The following SPTBN5 variants were observed in gnomAD, a reference collection of about 807,000 sequenced individuals.
The protein encoded by SPTBN5 is spectrin beta chain, non-erythrocytic 5.
Under a neutral mutation model 477.6 loss-of-function variants are expected in SPTBN5, and 513 were observed. The observed-to-expected ratio is 1.07, with a 90% CI of 1.00 to 1.16. The LOEUF (loss-of-function observed/expected upper bound fraction) is 1.16, where lower values mean the gene tolerates loss of function less well. Among genes scored for constraint, SPTBN5 ranks in the 50% most tolerant of loss-of-function variants. The pLI is 0.00. For synonymous variants in SPTBN5, 2,169 were observed against 2,011.7 expected, an observed-to-expected ratio of 1.08 and a Z score of -2.09; for missense variants, 5,062 against 4,731.8, an observed-to-expected ratio of 1.07 and a Z score of -2.05.
chr15:41,857,174 G>T, intron 51 of SPTBN5, 64 bp downstream of exon 51: 1 of 1,534,504 alleles, frequency 6.5e-7, no homozygotes, highest in East Asian at 2.3e-5. Flanking sequence ...TCAGTTAAGA[G>T]GGCAGGGGTG....
intron 47 of SPTBN5, 96 bp from the exon 48 acceptor site, chr15:41,859,076 A>G: frequency 1.1e-6 from 1 of 924,536 alleles, no homozygotes; most frequent in Non-Finnish European, 1.5e-6. Flanking sequence ...ATATACTCTG[A>G]GTCTGGAGTT....
chr15:41,866,173 C>A lies in SPTBN5; in HGVS notation c.6687G>T (p.Arg2229=). 6.4e-7 allele frequency: 1 copy of A among 1,571,176 alleles called. No individual in the cohort carries two copies. The highest frequency in any genetic ancestry group is 8.6e-7 in the Non-Finnish European group (1 of 1,159,776). Residue 2229 remains arginine (R), a synonymous_variant, in exon 38 of 68, where the codon CGG becomes CGT. Coordinates refer to ENST00000320955, the MANE Select transcript of SPTBN5 (RefSeq NM_016642.4). ...SHPRAGEVSQ[R]LQGLRKHWED... is the part of the protein sequence containing the mutation. Reference sequence around the variant, plus strand: ...CCCAGTGCTTCCGCAGGCCCTGCAGCCGCTGGGAGACCTCTCCGGCTCGAG... The same window carrying A: ...CCCAGTGCTTCCGCAGGCCCTGCAGACGCTGGGAGACCTCTCCGGCTCGAG...
At chr15:41,891,462 G>T (rs1441576881) in intron 3 of SPTBN5, among the ~76,000 whole-genome samples, 3 of 152,206 alleles carry the variant, frequency 2.0e-5, no homozygotes, top group African/African-American at 7.2e-5. Context: ...TGAGTGGGGT[G>T]TTTGTCTGCT....
chr15:41,848,190 T>C lies in SPTBN5; in HGVS notation c.*426A>G. ...GTTATTACTGCTGAGAAGGGCCATGTCATTCTAGGCTCTTGGCTGTACATG... is the reference window on the plus strand; with the variant it reads ...GTTATTACTGCTGAGAAGGGCCATGCCATTCTAGGCTCTTGGCTGTACATG... On this transcript the variant is annotated 3_prime_UTR_variant, in exon 68 of 68. Transcript: ENST00000320955. 7.8e-6 allele frequency: 4 copies of C among 513,656 alleles called. 1 individual carries two copies. The highest frequency in any genetic ancestry group is 6.5e-5 in the South Asian group (3 of 46,048). The allele number at this position is 513,656 out of a possible 1,614,324, so 31.8% of individuals were successfully genotyped here.
At chr15:41,886,950 G>C (rs949008709) in intron 6 of SPTBN5, among the ~76,000 whole-genome samples, 3 of 152,246 alleles carry the variant, frequency 2.0e-5, no homozygotes, top group South Asian at 2.1e-4. Flanking sequence ...CGGGAAGAAG[G>C]GGGAGGCCCA....
At chr15:41,874,150 C>G in intron 24 of SPTBN5, 105 bp from the exon 25 acceptor site, 1 of 1,503,738 alleles carries the variant, frequency 6.7e-7, no homozygotes, top group Non-Finnish European at 9.0e-7. Context: ...CCCCCAGGGT[C>G]AAAATAGCTG....
At chr15:41,854,246 T>C in intron 56 of SPTBN5, 41 bp from the exon 57 acceptor site, 2 of 1,557,264 alleles carry the variant, frequency 1.3e-6, no homozygotes, top group Non-Finnish European at 1.7e-6. Context: ...TGTTCTCTGC[T>C]CCCAGGATTC....
intron 66 of SPTBN5, 42 bp downstream of exon 66, chr15:41,850,812 G>C (rs1242357778): frequency 6.6e-7 from 1 of 1,525,720 alleles, no homozygotes; most frequent in Non-Finnish European, 8.9e-7. Flanking sequence ...TTGGGGCCCA[G>C]GGAGTCGGCC....
intron 44 of SPTBN5, 40 bp downstream of exon 44, chr15:41,862,090 C>G: frequency 7.1e-7 from 1 of 1,404,244 alleles, no homozygotes; most frequent in Non-Finnish European, 9.6e-7. Flanking sequence ...CAGGGCGGAG[C>G]TGAGAGCCTG....
At chr15:41,892,742 T>C in intron 3 of SPTBN5, 152 bp downstream of exon 3, 2 of 856,378 alleles carry the variant, frequency 2.3e-6, no homozygotes, top group Non-Finnish European at 1.7e-6. Context: ...GCGTGGCTTC[T>C]GCTCCTCTGT....
chr15:41,851,286 C>G lies in SPTBN5; in HGVS notation c.10740G>C (p.Ala3580=). Reference sequence around the variant, plus strand: ...TCTCCCCTACCCCGCCTGGTACCTCCGCTGCCATCCTCTCATCCAGGAACA... The same window carrying G: ...TCTCCCCTACCCCGCCTGGTACCTCGGCTGCCATCCTCTCATCCAGGAACA... ...LSLFLDERMA[A]EKVASIALLD... Residue 3580 remains alanine (A), a synonymous_variant, in exon 64 of 68, where the codon GCG becomes GCC. Transcript: ENST00000320955. 1 of 1,551,310 alleles carries G rather than the reference C, an allele frequency of 6.4e-7. No homozygotes were observed. Among genetic ancestry groups the G allele is most frequent in the Middle Eastern group, 1.7e-4 (1 of 5,992 alleles).
chr15:41,863,575 C>T, intron 41 of SPTBN5, 129 bp downstream of exon 41: 1 of 705,500 alleles, frequency 1.4e-6, no homozygotes, highest in South Asian at 1.7e-5. Flanking sequence ...TGCTGGGACC[C>T]ACCTCCAAGT....
At chr15:41,886,406 G>C (rs1295353061) in intron 6 of SPTBN5, 40 bp from the exon 7 acceptor site, 1 of 1,529,740 alleles carries the variant, frequency 6.5e-7, no homozygotes, top group African/African-American at 1.4e-5. Flanking sequence ...TCCTTCTCAG[G>C]GCAGGCCCTG....
rs373565785 is a variant in SPTBN5 at position 41,868,479 on chromosome 15, C to T, written c.5976G>A (p.Leu1992=). The change falls in exon 33 of 68, where the codon CTG becomes CTA. Residue 1992 remains leucine, a synonymous_variant. Transcript: ENST00000320955. ...GCTGCCACAGCTTCTCCCGGGCCTC[C>T]AGCTCCGCCCGGAGCCACTGGTGGG... is the stretch of plus-strand genomic sequence containing the variant. ...LSAHQWLRAE[L]EAREKLWQQA... is the part of the protein sequence containing the mutation. 9.9e-6 allele frequency: 16 copies of T among 1,611,314 alleles called. No homozygotes were observed. Among genetic ancestry groups the T allele is most frequent in the Non-Finnish European group, 1.3e-5 (15 of 1,179,420 alleles).
At chr15:41,864,465 C>A (rs1218062410) in intron 39 of SPTBN5, among the ~76,000 whole-genome samples, 1 of 152,214 alleles carries the variant, frequency 6.6e-6, no homozygotes, top group African/African-American at 2.4e-5. Flanking sequence ...AGGTGCCTGC[C>A]ACCAAGCCTG....
Position 41,862,606 on chromosome 15 carries a change from C to T in SPTBN5, c.7318G>A (p.Gly2440Ser), listed in dbSNP as rs777849226. The change falls in exon 43 of 68, where the codon GGC becomes AGC. Residue 2440 changes from glycine (G) to serine (S), a missense_variant. Gly to Ser is a moderately conservative substitution (Grantham distance 56). Transcript: ENST00000320955. ...LCQRSPEAAHGLRHRQQEVAE... is the reference protein window; with the variant it reads ...LCQRSPEAAHSLRHRQQEVAE... The stretch of plus-strand genomic sequence containing the variant: ...ACCTCCTGCTGCCTGTGCCTGAGGC[C>T]GTGGGCTGCCTCGGGGCTTCTTTGG... 1.3e-5 allele frequency: 20 copies of T among 1,558,882 alleles called. No individual in the cohort carries two copies. In the Admixed American group the frequency reaches 2.3e-4, roughly 18 times the overall value.
At position 41,855,637 on chromosome 15, in the gene SPTBN5, T is replaced by G; in HGVS notation, c.9130A>C (p.Thr3044Pro). Residue 3044 changes from threonine to proline, a missense_variant, in exon 54 of 68, where the codon ACC (threonine) becomes CCC (proline). By Grantham distance (38) the Thr-to-Pro change is conservative. Transcript: ENST00000320955. ...CTGAACGCTTCCAGGTCTCTCTTGG[T>G]GGCCTCCAGCCGCCGCAGAAGGGCC... ...TQALLRRLEA[T>P]KRDLEAFSPR... 6.2e-7 allele frequency: 1 copy of G among 1,609,354 alleles called. No individual in the cohort carries two copies.
chr15:41,854,593 A>G (rs1177861352), intron 56 of SPTBN5, among the ~76,000 whole-genome samples, 189 bp downstream of exon 56: 1 of 152,082 alleles, frequency 6.6e-6, no homozygotes, highest in Non-Finnish European at 1.5e-5. Flanking sequence ...CAGGACCTAC[A>G]GAGATGGAAT....
chr15:41,849,458 T>G (rs2065674468), intron 67 of SPTBN5, among the ~76,000 whole-genome samples: 1 of 152,058 alleles, frequency 6.6e-6, no homozygotes, highest in Non-Finnish European at 1.5e-5. Flanking sequence ...GTCCTGCCAA[T>G]GTGCTGTGCC....
Sources: gnomAD v4.1 joint callset for allele counts (sites outside exome capture counted in the v4.1 genomes callset) on GRCh38, gnomAD v4.1.1 for gene constraint, MANE v1.5 for transcripts, NCBI Gene and HGNC (gene_info 2026-07-23, HGNC 2026-07-21) for gene names.